The following TMEM255B variants were observed in gnomAD, a reference collection of about 807,000 sequenced individuals.
The protein encoded by TMEM255B is family with sequence similarity 70, member B.
TMEM255B carries 35 observed loss-of-function variants against 34.5 expected under a neutral mutation model. The observed-to-expected ratio is 1.01, with a 90% CI of 0.77 to 1.34. TMEM255B has a LOEUF of 1.34. Ranked by LOEUF, TMEM255B falls within the 40% of genes most tolerant of loss-of-function variation. The probability of loss-of-function intolerance (pLI) is 0.00; values close to 1 mark genes in which losing one functional copy is unlikely to be tolerated. For missense variants in TMEM255B, 432 were observed against 433.2 expected (o/e 1.00, Z 0.02); for synonymous variants, 206 against 201.2 (o/e 1.02, Z -0.20).
intron 8 of TMEM255B, among the ~76,000 whole-genome samples, chr13:113,811,298 T>C (rs565339961): frequency 4.2e-5 from 2 of 47,902 alleles, no homozygotes; most frequent in Admixed American, 3.4e-4. Flanking sequence ...CCCGTGAGAG[T>C]GGGCCTGGGC....
chr13:113,774,655 A>AACACACACCACACATATGAC (rs1285034536), intron 3 of TMEM255B, among the ~76,000 whole-genome samples: 118 of 102,142 alleles, frequency 1.2e-3, no homozygotes, highest in South Asian at 2.6e-3. Flanking sequence ...CACTATACAC[A>AACACACACCACACATATGAC]ACACACACCA....
rs1365519323 is a variant in TMEM255B at position 113,816,031 on chromosome 13, C to T, written c.*4128C>T. On this transcript the variant is annotated 3_prime_UTR_variant, in exon 9 of 9. Coordinates refer to ENST00000375353, the MANE Select transcript of TMEM255B (RefSeq NM_182614.4). ...GGGACACGGGTTCTTTTCGGGGAGG[C>T]AAGCGTGTTCGCAGCGTGTTCTGTA... 1 of 185,990 alleles carries T rather than the reference C, an allele frequency of 5.4e-6. No individual in the cohort carries two copies. The highest frequency in any genetic ancestry group is 2.4e-5 in the African/African-American group (1 of 41,486). The allele number at this position is 185,990 out of a possible 1,614,324, so 11.5% of individuals were successfully genotyped here.
At chr13:113,782,804 T>C (rs9577899) in intron 3 of TMEM255B, among the ~76,000 whole-genome samples, 112,709 of 152,116 alleles carry the variant, frequency 0.74, 42,164 homozygotes, top group East Asian at 0.86. Context: ...TAGGACAAGC[T>C]TTTGCCCAGT....
intron 4 of TMEM255B, among the ~76,000 whole-genome samples, chr13:113,797,908 T>C (rs2050970067): frequency 6.6e-6 from 1 of 152,234 alleles, no homozygotes. Flanking sequence ...TTTGCAATGG[T>C]CAGTTTATGG....
rs756381708 is a variant in TMEM255B, at chr13:113,766,138, A to G, written c.70A>G (p.Thr24Ala). The change falls in exon 2 of 9, where the codon ACG (threonine) becomes GCG (alanine). Residue 24 changes from threonine (T) to alanine (A), a missense_variant. Coordinates refer to ENST00000375353, the MANE Select transcript of TMEM255B (RefSeq NM_182614.4). The stretch of plus-strand genomic sequence containing the variant: ...AGAAGGGCTTTCGAGGAGGAAGAAG[A>G]CGTCGCTCTGGTTTGTGGGGTCTCT... ...PAEGLSRRKK[T>A]SLWFVGSLLL... The G allele has an allele frequency of 1.9e-6, 3 of 1,614,020 alleles. No individual in the cohort carries two copies. Among genetic ancestry groups the G allele is most frequent in the East Asian group, 2.2e-5 (1 of 44,892 alleles).
intron 3 of TMEM255B, among the ~76,000 whole-genome samples, chr13:113,794,285 C>G (rs555273586): frequency 6.6e-6 from 1 of 152,142 alleles, no homozygotes; most frequent in African/African-American, 2.4e-5. Flanking sequence ...CACCCACGCT[C>G]GTGCCTGGTG....
chr13:113,781,097 A>C (rs2050660096), intron 3 of TMEM255B, among the ~76,000 whole-genome samples: 1 of 152,208 alleles, frequency 6.6e-6, no homozygotes, highest in Admixed American at 6.5e-5. Context: ...GTTAAACCCA[A>C]TTCTTAATAA....
intron 7 of TMEM255B, among the ~76,000 whole-genome samples, chr13:113,803,949 C>CCTATCCCGGGGTTGTCACT (rs1311206633): frequency 6.6e-6 from 1 of 152,104 alleles, no homozygotes; most frequent in Non-Finnish European, 1.5e-5. Context: ...GGGTCGTCAC[C>CCTATCCCGGGGTTGTCACT]GTGGCCAGCC....
chr13:113,798,020 G>T (rs1248904338), intron 4 of TMEM255B, among the ~76,000 whole-genome samples: 1 of 152,248 alleles, frequency 6.6e-6, no homozygotes, highest in East Asian at 1.9e-4. Flanking sequence ...GTTGCAGATG[G>T]TCGGATGGAT....
chr13:113,789,375 A>C (rs970772169), intron 3 of TMEM255B, among the ~76,000 whole-genome samples: 27 of 152,114 alleles, frequency 1.8e-4, no homozygotes, highest in Non-Finnish European at 4.4e-5. Context: ...TGGGCTATGG[A>C]GAGTGGGTTG....
intron 1 of TMEM255B, 74 bp from the exon 2 acceptor site, chr13:113,766,041 G>T: frequency 3.1e-6 from 5 of 1,589,596 alleles, no homozygotes; most frequent in Non-Finnish European, 4.3e-6. Flanking sequence ...ACGGAGCACG[G>T]CCCAGAGCCT....
chr13:113,802,477 C>T (rs923477888), intron 7 of TMEM255B, among the ~76,000 whole-genome samples: 95 of 152,316 alleles, frequency 6.2e-4, no homozygotes, highest in African/African-American at 2.3e-3. Flanking sequence ...GAGGGAGCCC[C>T]AACCCCCAGA....
intron 2 of TMEM255B, chr13:113,768,244 G>T (rs752444673): frequency 6.8e-5 from 32 of 469,332 alleles, no homozygotes; most frequent in Admixed American, 5.6e-4. Context: ...GTCCATGTTG[G>T]CTGCTCTGAG....
rs761778984 is a variant in TMEM255B at position 113,804,951 on chromosome 13, C to A, written c.736C>A (p.Gln246Lys). ...ACAGACCCTCTACAACCCCGCCCAG[C>A]AGATCCTGGCCTACGCAGGCTTCCG... is the stretch of plus-strand genomic sequence containing the variant. Reference protein sequence around the residue: ...PPQTLYNPAQQILAYAGFRLT... With the variant: ...PPQTLYNPAQKILAYAGFRLT... Residue 246 changes from glutamine (Q) to lysine (K), a missense_variant, in exon 8 of 9, where the codon CAG becomes AAG. Transcript: ENST00000375353. The A allele has an allele frequency of 1.9e-6, 3 of 1,606,474 alleles. No individual in the cohort carries two copies. The highest frequency in any genetic ancestry group is 2.5e-6 in the Non-Finnish European group (3 of 1,179,814).
chr13:113,801,643 C>G lies in TMEM255B; in HGVS notation c.510-10C>G. 2 of 1,585,740 alleles carry G rather than the reference C, an allele frequency of 1.3e-6. No individual in the cohort carries two copies. The highest frequency in any genetic ancestry group is 1.8e-5 in the Admixed American group (1 of 57,024). On this transcript the variant is annotated splice_polypyrimidine_tract_variant and intron_variant, in intron 6 of 8. Coordinates refer to ENST00000375353, the MANE Select transcript of TMEM255B (RefSeq NM_182614.4). ...TCGTGCGGTGACGCCATGGTGCCCT[C>G]TCTGTGCAGCGCAGAGCCCTCGCCC...
intron 3 of TMEM255B, among the ~76,000 whole-genome samples, chr13:113,783,265 GA>G (rs2138545317): frequency 6.6e-6 from 1 of 152,316 alleles, no homozygotes; most frequent in South Asian, 2.1e-4. Flanking sequence ...CCTGCGAGGG[GA>G]CAGGTGATCA....
At chr13:113,768,396 G>A in intron 2 of TMEM255B, 1 of 376,486 alleles carries the variant, frequency 2.7e-6, no homozygotes, top group Non-Finnish European at 5.6e-6. Flanking sequence ...TTCTAAGACA[G>A]CACAGTCCCA....
Position 113,781,959 on chromosome 13 carries a change from C to T in TMEM255B, c.252+12799C>T, listed in dbSNP as rs547215288. Among the ~76,000 whole-genome samples, 4 of 152,252 alleles carry T rather than the reference C, an allele frequency of 2.6e-5. No individual in the cohort carries two copies. The East Asian group carries it at 7.7e-4, about 29-fold the overall frequency. Reference sequence around the variant, plus strand: ...AATACCTTTTTGCATAGCTAGGGGGCATGGCTAATTTCTTATATCCCCAGG... The same window carrying T: ...AATACCTTTTTGCATAGCTAGGGGGTATGGCTAATTTCTTATATCCCCAGG... On this transcript the variant is annotated intron_variant, in intron 3 of 8. Transcript: ENST00000375353.
At chr13:113,762,904 A>G (rs539218554) in intron 1 of TMEM255B, among the ~76,000 whole-genome samples, 1 of 152,374 alleles carries the variant, frequency 6.6e-6, no homozygotes, top group South Asian at 2.1e-4. Flanking sequence ...AAAATCGCAC[A>G]ACAAAATCCT....
Sources: gnomAD v4.1 joint callset for allele counts (sites outside exome capture counted in the v4.1 genomes callset) on GRCh38, gnomAD v4.1.1 for gene constraint, MANE v1.5 for transcripts, NCBI Gene and HGNC (gene_info 2026-07-23, HGNC 2026-07-21) for gene names.